RASA2: variants seen among roughly 807,000 people sequenced by gnomAD.
The protein encoded by RASA2 is ras GTPase-activating protein 2.
In RASA2, 155 loss-of-function variants were observed where a neutral mutation model predicts 118.2. The observed-to-expected ratio is 1.31, with a 90% CI of 1.15 to 1.50. RASA2 has a LOEUF of 1.50. RASA2 is among the 40% of genes most tolerant of loss of function. The pLI, the probability that RASA2 is intolerant of heterozygous loss-of-function variation, is 0.00. For missense variants in RASA2, 1,016 were observed against 1,009.6 expected (o/e 1.01, Z -0.09); for synonymous variants, 353 against 349.1 (o/e 1.01, Z -0.12).
At position 141,608,862 on chromosome 3, in the gene RASA2, C is replaced by T. The variant is rs9873042; in HGVS notation, c.2225+165C>T. Among the ~76,000 whole-genome samples the T allele has an allele frequency of 0.25, 37,271 of 152,034 alleles. 5,225 individuals are homozygous for T. The highest frequency in any genetic ancestry group is 0.32 in the Non-Finnish European group (21,732 of 67,978). ...TGAAAGAAGTCAATCATAAAGGCCA[C>T]GTATTATCTGATAACATTGATATAA... On this transcript the variant is annotated intron_variant, in intron 21 of 23. Coordinates refer to ENST00000286364, the MANE Select transcript of RASA2 (RefSeq NM_006506.5).
chr3:141,518,530 C>G (rs1050154444), intron 3 of RASA2, among the ~76,000 whole-genome samples: 1 of 114,226 alleles, frequency 8.8e-6, no homozygotes, highest in Non-Finnish European at 1.8e-5. Flanking sequence ...TAAGCGTTGT[C>G]TTTGTCCTCT....
rs576340718 is a variant in RASA2, at chr3:141,571,197, T to C, written c.1020+129T>C. The C allele has an allele frequency of 1.5e-5, 17 of 1,105,882 alleles. No individual in the cohort carries two copies. The African/African-American group carries it at 1.8e-4, about 11-fold the overall frequency. The allele number at this position is 1,105,882 out of a possible 1,614,324, so 68.5% of individuals were successfully genotyped here. On this transcript the variant is annotated intron_variant, in intron 10 of 23. Coordinates refer to ENST00000286364, the MANE Select transcript of RASA2 (RefSeq NM_006506.5). Reference sequence around the variant, plus strand: ...TAAAAATTATATACATACATATATATACACACACACATTTCTATTTATCTG... The same window carrying C: ...TAAAAATTATATACATACATATATACACACACACACATTTCTATTTATCTG...
At chr3:141,510,876 A>G (rs1167445719) in intron 1 of RASA2, among the ~76,000 whole-genome samples, 1 of 152,206 alleles carries the variant, frequency 6.6e-6, no homozygotes, top group Non-Finnish European at 1.5e-5. Context: ...TCTAAGTGAA[A>G]TGGTGTGGTA....
At chr3:141,538,917 C>G (rs1391818022) in intron 4 of RASA2, among the ~76,000 whole-genome samples, 1 of 152,136 alleles carries the variant, frequency 6.6e-6, no homozygotes, top group Non-Finnish European at 1.5e-5. Context: ...TTTTTCTACT[C>G]TATTGTCATA....
intron 6 of RASA2, 109 bp downstream of exon 6, chr3:141,554,049 G>A: frequency 1.4e-6 from 2 of 1,421,642 alleles, no homozygotes; most frequent in Non-Finnish European, 1.8e-6. Context: ...ATAACACACA[G>A]TAATAAATGC....
At chr3:141,576,382 C>T (rs1222377468) in intron 14 of RASA2, among the ~76,000 whole-genome samples, 1 of 152,202 alleles carries the variant, frequency 6.6e-6, no homozygotes, top group Non-Finnish European at 1.5e-5. Context: ...AAGATTCTTT[C>T]CCTCACCATC....
chr3:141,510,327 G>A (rs557465639), intron 1 of RASA2, among the ~76,000 whole-genome samples: 1 of 152,056 alleles, frequency 6.6e-6, no homozygotes, highest in Non-Finnish European at 1.5e-5. Context: ...TGATTTCAGC[G>A]CCCATACTTG....
At chr3:141,577,671 A>G (rs1447426463) in intron 15 of RASA2, among the ~76,000 whole-genome samples, 2 of 152,228 alleles carry the variant, frequency 1.3e-5, no homozygotes, top group African/African-American at 4.8e-5. Context: ...CTGGATAAGC[A>G]TTAACAGTAA....
At chr3:141,499,026 T>C (rs907650318) in intron 1 of RASA2, among the ~76,000 whole-genome samples, 4 of 152,226 alleles carry the variant, frequency 2.6e-5, no homozygotes, top group African/African-American at 9.6e-5. Flanking sequence ...TGGTGACGTA[T>C]CTATATAACC....
intron 6 of RASA2, 116 bp from the exon 7 acceptor site, chr3:141,555,724 T>A: frequency 1.3e-6 from 1 of 784,820 alleles, no homozygotes; most frequent in South Asian, 1.9e-5. Context: ...AAACTGAATC[T>A]TCCCTGAGTC....
rs75366440 is a variant in RASA2, at chr3:141,573,654, G to A, written c.1360-290G>A. ...ACAATGTCCTTGTGCTTGTGTATCC[G>A]AGTTATTTTGTGATTTCCTTTTGGA... On this transcript the variant is annotated intron_variant, in intron 13 of 23. Transcript: ENST00000286364. Among the ~76,000 whole-genome samples the A allele has an allele frequency of 3.5e-4, 53 of 152,268 alleles. No individual in the cohort carries two copies. In the East Asian group the frequency reaches 8.3e-3, roughly 24 times the overall value.
At chr3:141,487,626 GC>G (rs2081594299) in intron 1 of RASA2, among the ~76,000 whole-genome samples, 1 of 152,072 alleles carries the variant, frequency 6.6e-6, no homozygotes, top group African/African-American at 2.4e-5. Flanking sequence ...CTGGGGAGTG[GC>G]CCCGCGGTGG....
chr3:141,580,085 A>AAAATATATATATATATAT (rs1553797703), intron 15 of RASA2, among the ~76,000 whole-genome samples: 1 of 59,598 alleles, frequency 1.7e-5, no homozygotes, highest in Admixed American at 2.5e-4. Flanking sequence ...AAAAAAAAAA[A>AAAATATATATATATATAT]ATATATATAT....
chr3:141,539,746 A>C (rs1427509216), intron 4 of RASA2, among the ~76,000 whole-genome samples: 3 of 152,214 alleles, frequency 2.0e-5, no homozygotes, highest in African/African-American at 7.2e-5. Context: ...GGTTAGAAAT[A>C]TCAAGCTCTA....
At chr3:141,509,429 A>G (rs1386734103) in intron 1 of RASA2, among the ~76,000 whole-genome samples, 1 of 152,254 alleles carries the variant, frequency 6.6e-6, no homozygotes, top group Non-Finnish European at 1.5e-5. Flanking sequence ...AACTGCACCT[A>G]TGTGAATGAA....
Position 141,540,618 on chromosome 3 carries a change from T to G in RASA2, c.527+9T>G. 6.3e-7 allele frequency: 1 copy of G among 1,593,638 alleles called. No homozygotes were observed. The highest frequency in any genetic ancestry group is 2.3e-5 in the East Asian group (1 of 44,424). Reference sequence around the variant, plus strand: ...CAGCAGCTTGTTGTACAGTAAGCATTTTTTTTAACCAAAATCAACTAGAAA... The same window carrying G: ...CAGCAGCTTGTTGTACAGTAAGCATGTTTTTTAACCAAAATCAACTAGAAA... On this transcript the variant is annotated intron_variant, in intron 5 of 23. Transcript: ENST00000286364.
intron 11 of RASA2, among the ~76,000 whole-genome samples, chr3:141,571,966 C>T (rs1228316325): frequency 2.0e-5 from 3 of 150,068 alleles, no homozygotes; most frequent in Non-Finnish European, 1.5e-5. Flanking sequence ...TTTTTTTACA[C>T]ACAGAGACAT....
intron 3 of RASA2, among the ~76,000 whole-genome samples, chr3:141,527,564 T>C (rs2082202229): frequency 6.6e-6 from 1 of 152,110 alleles, no homozygotes; most frequent in South Asian, 2.1e-4. Context: ...ATTTTATTTA[T>C]GTCTGGTGTG....
chr3:141,573,186 A>T lies in RASA2; in HGVS notation c.1324A>T (p.Lys442Ter). 1 of 1,543,056 alleles carries T rather than the reference A, an allele frequency of 6.5e-7. No homozygotes were observed. The highest frequency in any genetic ancestry group is 8.7e-7 in the Non-Finnish European group (1 of 1,155,448). ...SSKSCEIDPI[K>*]LKEGDNVENN... The stretch of plus-strand genomic sequence containing the variant: ...AAAATCCTGTGAAATCGATCCTATT[A>T]AATTGAAAGAGGGAGATAATGTAGA... The change falls in exon 13 of 24, where the codon AAA becomes TAA. Residue 442 changes from lysine to a stop codon, truncating the protein, a stop_gained. Transcript: ENST00000286364. LOFTEE classifies it high-confidence loss of function.
Sources: allele counts gnomAD v4.1 joint callset (sites outside exome capture counted in the v4.1 genomes callset), GRCh38; gene constraint gnomAD v4.1.1; transcripts MANE v1.5; gene names NCBI Gene and HGNC (gene_info 2026-07-23, HGNC 2026-07-21).